Variants in STT3A observed in about 807,000 individuals in gnomAD.
STT3A encodes the protein STT3 oligosaccharyltransferase complex catalytic subunit A.
In STT3A, 34 loss-of-function variants were observed where a neutral mutation model predicts 89.2. The observed-to-expected ratio is 0.38, with a 90% CI of 0.29 to 0.51. The LOEUF is 0.51. Among genes scored for constraint, STT3A ranks in the 20% least tolerant of loss-of-function variants. The probability of loss-of-function intolerance (pLI) is 0.89; values close to 1 mark genes in which losing one functional copy is unlikely to be tolerated. For missense variants in STT3A, 555 were observed against 889.5 expected, an observed-to-expected ratio of 0.62 and a Z score of 4.78; for synonymous variants, 282 against 310.3, an observed-to-expected ratio of 0.91 and a Z score of 0.96.
Position 125,614,392 on chromosome 11 carries a change from C to A in STT3A, c.1740C>A (p.Val580=). Residue 580 remains valine (V), a synonymous_variant, in exon 15 of 18, where the codon GTC becomes GTA. Coordinates refer to ENST00000392708, the MANE Select transcript of STT3A (RefSeq NM_152713.5). This position sits in a 1 kb window ranked among gnomAD's most constrained non-coding sequence, Gnocchi z 4.9. ...MRELDVSYVL[V]IFGGLTGYSS... ...AGCTCGATGTCAGCTATGTGCTGGT[C>A]ATTTTTGGAGGCCTCACTGGGTATT... 2 of 1,613,958 alleles carry A rather than the reference C, an allele frequency of 1.2e-6. No individual in the cohort carries two copies. Among genetic ancestry groups the A allele is most frequent in the East Asian group, 2.2e-5 (1 of 44,878 alleles).
intron 9 of STT3A, among the ~76,000 whole-genome samples, chr11:125,609,132 A>G (rs1939924855): frequency 6.6e-6 from 1 of 152,242 alleles, no homozygotes; most frequent in Non-Finnish European, 1.5e-5. Flanking sequence ...TTTAATCTCT[A>G]CAGTTGGCCT....
Position 125,612,641 on chromosome 11 carries a change from T to C in STT3A, c.1259T>C (p.Ile420Thr), listed in dbSNP as rs1940060263. 4 of 1,614,180 alleles carry C rather than the reference T, an allele frequency of 2.5e-6. No individual in the cohort carries two copies. In the East Asian group the frequency reaches 6.7e-5, roughly 27 times the overall value. Residue 420 changes from isoleucine to threonine, a missense_variant, in exon 12 of 18, where the codon ATT becomes ACT. This residue lies in a region of STT3A where 273 missense variants were observed against 449.8 expected (regional missense o/e 0.61). Transcript: ENST00000392708. ...CCTGTTATGTGCATTCTCTCTGGCA[T>C]TGGAGTCTCCCAGGTGCTGTCCACA... The part of the protein sequence containing the change: ...LAPVMCILSG[I>T]GVSQVLSTYM...
At chr11:125,599,014 G>A (rs1327979648) in intron 3 of STT3A, among the ~76,000 whole-genome samples, 3 of 152,278 alleles carry the variant, frequency 2.0e-5, no homozygotes, top group Admixed American at 1.3e-4. Context: ...CTGCTTTGTC[G>A]TCAAGAGCTG....
Position 125,613,315 on chromosome 11 carries a change from C to G in STT3A, c.1554+138C>G. ...CTTTGCAACTCTAGTCTTGAATGAG[C>G]CTTAAAGGTGAACCTCCATTCAATT... is the stretch of plus-strand genomic sequence containing the variant. On this transcript the variant is annotated intron_variant, in intron 13 of 17. Transcript: ENST00000392708. The surrounding 1 kb of genome is among the most constrained non-coding windows in gnomAD (Gnocchi z 4.2). The G allele has an allele frequency of 1.1e-6, 1 of 872,254 alleles. No homozygotes were observed. Among genetic ancestry groups the G allele is most frequent in the Non-Finnish European group, 1.7e-6 (1 of 582,112 alleles). The allele number at this position is 872,254 out of a possible 1,614,324, so 54.0% of individuals were successfully genotyped here. A position where few individuals can be genotyped will look rare whatever the true frequency, so the allele number is the denominator to read the frequency against.
upstream of STT3A, among the ~76,000 whole-genome samples, chr11:125,592,231 A>G (rs1168078769): frequency 6.6e-6 from 1 of 151,916 alleles, no homozygotes; most frequent in Admixed American, 6.6e-5. Flanking sequence ...GGGGCTGTGA[A>G]CTCTGTCAAG....
chr11:125,602,774 C>T (rs764506383), intron 4 of STT3A, 29 bp from the exon 5 acceptor site: 5 of 1,613,606 alleles, frequency 3.1e-6, no homozygotes, highest in Non-Finnish European at 4.2e-6. Context: ...GGTAAGACAA[C>T]CTAATGGAGT....
Position 125,620,136 on chromosome 11 carries a change from T to A in STT3A, c.2079+10T>A. 2 of 1,607,336 alleles carry A rather than the reference T, an allele frequency of 1.2e-6. No homozygotes were observed. The highest frequency in any genetic ancestry group is 1.7e-6 in the Non-Finnish European group (2 of 1,175,234). ...GGTCAGGATATACAAGGTAAGCAGA[T>A]GCTATACGTCTCAGAAAGCAACTTT... On this transcript the variant is annotated intron_variant, in intron 17 of 17. Transcript: ENST00000392708.
chr11:125,617,061 T>G (rs1047604210), intron 15 of STT3A, among the ~76,000 whole-genome samples: 18 of 152,272 alleles, frequency 1.2e-4, no homozygotes, highest in Non-Finnish European at 2.5e-4. Context: ...ACAATACTAT[T>G]GTTCTATCAT....
At chr11:125,617,106 C>T (rs1017236782) in intron 15 of STT3A, among the ~76,000 whole-genome samples, 3 of 152,006 alleles carry the variant, frequency 2.0e-5, no homozygotes, top group Admixed American at 1.3e-4. Flanking sequence ...TATTTTTGTT[C>T]CTGTTTCTGG....
rs572300432 is a variant in STT3A at position 125,597,634 on chromosome 11, G to A, written c.149+515G>A. Reference sequence around the variant, plus strand: ...GGCTCAGAAGAGAATCACAAACAATGGACTTGAGATTCATGACATTTTGCT... The same window carrying A: ...GGCTCAGAAGAGAATCACAAACAATAGACTTGAGATTCATGACATTTTGCT... On this transcript the variant is annotated intron_variant, in intron 3 of 17. Transcript: ENST00000392708. Among the ~76,000 whole-genome samples the A allele has an allele frequency of 1.3e-4, 20 of 152,274 alleles. 1 individual carries two copies. The South Asian group carries it at 3.3e-3, about 25-fold the overall frequency.
At chr11:125,595,270 A>G (rs1939455080) in intron 1 of STT3A, among the ~76,000 whole-genome samples, 1 of 150,702 alleles carries the variant, frequency 6.6e-6, no homozygotes, top group Admixed American at 6.7e-5. Context: ...CTCCTGCCTC[A>G]GCCTCCTGAG....
chr11:125,615,339 T>G (rs553045835), intron 15 of STT3A, among the ~76,000 whole-genome samples: 10 of 152,272 alleles, frequency 6.6e-5, no homozygotes, highest in African/African-American at 2.4e-4. Context: ...CTAAGCCCCC[T>G]TAACATCAGT....
intron 9 of STT3A, 35 bp downstream of exon 9, chr11:125,608,324 T>C: frequency 6.4e-7 from 1 of 1,551,776 alleles, no homozygotes; most frequent in African/African-American, 1.4e-5. Flanking sequence ...CCTTTTTTCT[T>C]TTTTTTTAAG....
rs1940374676 is a variant in STT3A, at chr11:125,622,403, A to C, written c.*1593A>C. 6.6e-6 allele frequency: 1 copy of C among 152,212 alleles called. No individual in the cohort carries two copies. Among genetic ancestry groups the C allele is most frequent in the Non-Finnish European group, 1.5e-5 (1 of 68,042 alleles). The allele number at this position is 152,212 out of a possible 1,614,324, so 9.4% of individuals were successfully genotyped here. A position where few individuals can be genotyped will look rare whatever the true frequency, so the allele number is the denominator to read the frequency against. On this transcript the variant is annotated 3_prime_UTR_variant, in exon 18 of 18. Coordinates refer to ENST00000392708, the MANE Select transcript of STT3A (RefSeq NM_152713.5). Reference sequence around the variant, plus strand: ...AAGAGGTTATTCTGAATTATTTATCAATATGATTAATACCAGTTAGAAATT... The same window carrying C: ...AAGAGGTTATTCTGAATTATTTATCCATATGATTAATACCAGTTAGAAATT...
rs544076551 is a variant in STT3A, at chr11:125,605,517, A to G, written c.509-112A>G. The G allele has an allele frequency of 7.6e-4, 521 of 688,010 alleles. 1 individual carries two copies. Among genetic ancestry groups the G allele is most frequent in the Non-Finnish European group, 1.1e-3 (449 of 413,172 alleles). 42.6% of individuals were successfully genotyped at this position (688,010 alleles called of 1,614,324 possible). On this transcript the variant is annotated intron_variant, in intron 6 of 17. Coordinates refer to ENST00000392708, the MANE Select transcript of STT3A (RefSeq NM_152713.5). ...ACAAAAGGAAGTAAATAATTTGCCTAAAATTACACTATTACTTGGTAGTAG... is the reference window on the plus strand; with the variant it reads ...ACAAAAGGAAGTAAATAATTTGCCTGAAATTACACTATTACTTGGTAGTAG...
In STT3A at chr11:125,608,189, C is replaced by T; in HGVS notation, c.861C>T (p.Arg287=). The change falls in exon 9 of 18, where the codon CGC becomes CGT. Residue 287 remains arginine, a synonymous_variant. Transcript: ENST00000392708. ...CQIHAFVDYL[R]SKLNPQQFEV... ...TCCATGCCTTTGTGGATTACCTGCG[C>T]AGCAAGTTGAATCCACAACAATTTG... 1.2e-6 allele frequency: 2 copies of T among 1,614,252 alleles called. No individual in the cohort carries two copies. The highest frequency in any genetic ancestry group is 1.1e-5 in the South Asian group (1 of 91,088).
chr11:125,601,071 G>A (rs966083819), intron 3 of STT3A, among the ~76,000 whole-genome samples: 19 of 152,196 alleles, frequency 1.2e-4, no homozygotes, highest in Non-Finnish European at 2.4e-4. Context: ...ACAGGCATGA[G>A]CTGCCATGCC....
intron 5 of STT3A, among the ~76,000 whole-genome samples, 190 bp from the exon 6 acceptor site, chr11:125,603,967 G>A (rs1939762619): frequency 6.6e-6 from 1 of 152,166 alleles, no homozygotes; most frequent in Non-Finnish European, 1.5e-5. Context: ...GTCATCATGG[G>A]GAATTGGTCA....
chr11:125,606,126 T>C (rs1228701988), intron 7 of STT3A, 175 bp from the exon 8 acceptor site: 13 of 602,222 alleles, frequency 2.2e-5, no homozygotes, highest in Non-Finnish European at 5.6e-6. Context: ...AAGGACTTGA[T>C]TTTCCTGTTT....
Sources: gnomAD v4.1 joint callset for allele counts (sites outside exome capture counted in the v4.1 genomes callset) on GRCh38, gnomAD v4.1.1 for gene constraint, gnomAD v4.1.1 regional missense constraint, Gnocchi (gnomAD v3.1) non-coding constraint, MANE v1.5 for transcripts, NCBI Gene and HGNC (gene_info 2026-07-23, HGNC 2026-07-21) for gene names.